The following EXOC4 variants were observed in gnomAD, a reference collection of about 807,000 sequenced individuals.
EXOC4 encodes the protein SEC8-like 1.
A neutral mutation model predicts 107.2 loss-of-function variants in EXOC4; 71 were observed. The ratio of observed to expected loss-of-function variants is 0.66; its 90% confidence interval spans 0.55 to 0.81. The LOEUF is 0.81. EXOC4 is among the 30% of genes least tolerant of loss of function. The probability of loss-of-function intolerance (pLI) is 0.00; values close to 1 mark genes in which losing one functional copy is unlikely to be tolerated. For missense variants in EXOC4, 1,108 were observed against 1,189.6 expected (o/e 0.93, Z 1.01); for synonymous variants, 456 against 441.2 (o/e 1.03, Z -0.42).
chr7:133,667,242 G>A (rs1012266567), intron 10 of EXOC4, among the ~76,000 whole-genome samples: 1 of 152,202 alleles, frequency 6.6e-6, no homozygotes, highest in Non-Finnish European at 1.5e-5. Context: ...AGAAAACACA[G>A]GAGCCAGGAG....
intron 9 of EXOC4, among the ~76,000 whole-genome samples, chr7:133,615,852 C>T (rs930088802): frequency 3.9e-5 from 6 of 152,066 alleles, no homozygotes; most frequent in African/African-American, 9.7e-5. Context: ...ATTTAAAAAG[C>T]AGAATCACCA....
At chr7:133,606,747 C>T (rs1324190523) in intron 9 of EXOC4, among the ~76,000 whole-genome samples, 1 of 152,006 alleles carries the variant, frequency 6.6e-6, no homozygotes, top group African/African-American at 2.4e-5. Context: ...AACTCCCGAC[C>T]TCAGGTGATC....
At chr7:133,954,025 T>A (rs184359352) in intron 14 of EXOC4, among the ~76,000 whole-genome samples, 11 of 152,366 alleles carry the variant, frequency 7.2e-5, no homozygotes, top group Non-Finnish European at 1.5e-5. Flanking sequence ...CTGCCATTTT[T>A]AAAAATTTTC....
chr7:133,987,928 G>A (rs1024237144), intron 14 of EXOC4, among the ~76,000 whole-genome samples: 125 of 152,322 alleles, frequency 8.2e-4, no homozygotes, highest in African/African-American at 2.9e-3. Flanking sequence ...GGGTCTGAAT[G>A]AGTCCAATTT....
intron 5 of EXOC4, among the ~76,000 whole-genome samples, chr7:133,354,802 G>A (rs1289438908): frequency 1.3e-5 from 2 of 152,152 alleles, no homozygotes; most frequent in Non-Finnish European, 2.9e-5. Context: ...AGCTACTTTG[G>A]TAAGAGCTGT....
At chr7:133,583,786 G>T (rs1801333478) in intron 9 of EXOC4, among the ~76,000 whole-genome samples, 1 of 152,176 alleles carries the variant, frequency 6.6e-6, no homozygotes, top group Non-Finnish European at 1.5e-5. Flanking sequence ...TAGACTGAAA[G>T]ATTTTAAGTG....
At chr7:133,760,325 G>A (rs1447400010) in intron 10 of EXOC4, among the ~76,000 whole-genome samples, 1 of 152,106 alleles carries the variant, frequency 6.6e-6, no homozygotes, top group Non-Finnish European at 1.5e-5. Context: ...AATAAACCCA[G>A]AAACTTTTCC....
intron 10 of EXOC4, chr7:133,768,404 G>A (rs1248057563): frequency 1.3e-5 from 2 of 151,868 alleles, no homozygotes; most frequent in Non-Finnish European, 2.9e-5. Context: ...ACTGCGAATG[G>A]GCAATCAGGC....
At chr7:133,526,178 A>G (rs1485739520) in intron 9 of EXOC4, among the ~76,000 whole-genome samples, 1 of 152,164 alleles carries the variant, frequency 6.6e-6, no homozygotes, top group African/African-American at 2.4e-5. Context: ...TTGAGAGACC[A>G]ATACAATATT....
At chr7:133,729,319 T>G (rs1795278753) in intron 10 of EXOC4, among the ~76,000 whole-genome samples, 2 of 152,168 alleles carry the variant, frequency 1.3e-5, no homozygotes, top group Admixed American at 1.3e-4. Context: ...AAATGTTATT[T>G]TTTTGAGAAG....
intron 13 of EXOC4, among the ~76,000 whole-genome samples, chr7:133,925,020 T>C (rs1357976676): frequency 6.6e-6 from 1 of 152,268 alleles, no homozygotes; most frequent in African/African-American, 2.4e-5. Flanking sequence ...TTCATTGATA[T>C]TCCAATGTGG....
chr7:133,381,686 G>A (rs1266790083), intron 7 of EXOC4, among the ~76,000 whole-genome samples: 1 of 152,168 alleles, frequency 6.6e-6, no homozygotes, highest in Non-Finnish European at 1.5e-5. Context: ...TATCTTTACA[G>A]TAATAGTTTC....
chr7:134,063,400 A>G (rs1790752622), intron 17 of EXOC4, among the ~76,000 whole-genome samples: 1 of 152,172 alleles, frequency 6.6e-6, no homozygotes, highest in African/African-American at 2.4e-5. Context: ...TGAGTTGTCA[A>G]GTGTCCGTGA....
intron 7 of EXOC4, among the ~76,000 whole-genome samples, chr7:133,435,209 T>C (rs1797941065): frequency 1.3e-5 from 2 of 152,316 alleles, no homozygotes; most frequent in South Asian, 4.1e-4. Context: ...ATTGAATGTA[T>C]TGTGATACGT....
intron 14 of EXOC4, among the ~76,000 whole-genome samples, chr7:133,951,181 G>T (rs544171405): frequency 1.3e-5 from 2 of 152,274 alleles, no homozygotes; most frequent in South Asian, 4.1e-4. Context: ...TCTCTCCCTT[G>T]ACCCAGCCCT....
At chr7:133,594,300 T>C (rs1221482162) in intron 9 of EXOC4, among the ~76,000 whole-genome samples, 2 of 152,126 alleles carry the variant, frequency 1.3e-5, no homozygotes, top group Non-Finnish European at 2.9e-5. Flanking sequence ...AAAAAAAGAA[T>C]GAATAATATT....
In EXOC4 at chr7:133,375,014, TTACAAAGGGTG is replaced by T; in HGVS notation, c.1182+14_1182+24del. ...AAGATGTTCTACAGGTAAGAGCCTT[TTACAAAGGGTG>T]TCATCTTGATTCAGAGTAACAGTTT... On this transcript the variant is annotated intron_variant, in intron 7 of 17. Coordinates refer to ENST00000253861, the MANE Select transcript of EXOC4 (RefSeq NM_021807.4). The T allele has an allele frequency of 6.2e-7, 1 of 1,606,988 alleles. No individual in the cohort carries two copies. The highest frequency in any genetic ancestry group is 8.5e-7 in the Non-Finnish European group (1 of 1,176,290).
rs1409899362 is a variant in EXOC4, at chr7:133,952,569, C to T, written c.2206+14500C>T. On this transcript the variant is annotated intron_variant, in intron 14 of 17. Coordinates refer to ENST00000253861, the MANE Select transcript of EXOC4 (RefSeq NM_021807.4). ...TCAGTACATTCACATTATTGAGTAG[C>T]CATCACCATCATCCATCTGCAGAAC... Among the ~76,000 whole-genome samples, 3 of 152,148 alleles carry T rather than the reference C, an allele frequency of 2.0e-5. No homozygotes were observed. In the East Asian group the frequency reaches 5.8e-4, roughly 29 times the overall value.
chr7:133,385,951 A>G (rs1334048109), intron 7 of EXOC4, among the ~76,000 whole-genome samples: 2 of 152,170 alleles, frequency 1.3e-5, no homozygotes, highest in South Asian at 2.1e-4. Flanking sequence ...GTTTGTATAT[A>G]TAGAAGTGTG....
Sources: gnomAD v4.1 joint callset for allele counts (sites outside exome capture counted in the v4.1 genomes callset) on GRCh38, gnomAD v4.1.1 for gene constraint, MANE v1.5 for transcripts, NCBI Gene and HGNC (gene_info 2026-07-23, HGNC 2026-07-21) for gene names.